CR1: variants seen among roughly 807,000 people sequenced by gnomAD.
CR1 encodes complement receptor type 1.
Under a neutral mutation model 187.3 loss-of-function variants are expected in CR1, and 116 were observed. The observed-to-expected ratio is 0.62, with a 90% CI of 0.53 to 0.72. CR1 has a LOEUF of 0.72. Among genes scored for constraint, CR1 ranks in the 30% least tolerant of loss-of-function variants. CR1 has a pLI of 0.00. For synonymous variants in CR1, 576 were observed against 747.1 expected, an observed-to-expected ratio of 0.77 and a Z score of 3.73; for missense variants, 1,731 against 2,110.7, an observed-to-expected ratio of 0.82 and a Z score of 3.52.
At chr1:207,564,480 T>C (rs1419109344) in intron 23 of CR1, among the ~76,000 whole-genome samples, 1 of 150,130 alleles carries the variant, frequency 6.7e-6, no homozygotes, top group East Asian at 1.9e-4. Flanking sequence ...TAACTAGTGG[T>C]TATGAATATA....
chr1:207,584,392 T>A (rs2102348829), intron 32 of CR1, among the ~76,000 whole-genome samples: 1 of 152,338 alleles, frequency 6.6e-6, no homozygotes, highest in South Asian at 2.1e-4. Context: ...CTCTTTATTA[T>A]TCAGAAATAT....
chr1:207,610,746 C>T lies in CR1; in HGVS notation c.6296-931C>T, dbSNP rs113745806. Among the ~76,000 whole-genome samples, 1,360 of 151,848 alleles carry T rather than the reference C, an allele frequency of 9.0e-3. 12 individuals are homozygous for T. The highest frequency in any genetic ancestry group is 0.031 in the African/African-American group (1,303 of 41,400). Reference sequence around the variant, plus strand: ...TGTTCTATCACTAAAAAGTCTGTAGCTTTTTTTTCTTTGAGGGGGGGTTGT... The same window carrying T: ...TGTTCTATCACTAAAAAGTCTGTAGTTTTTTTTTCTTTGAGGGGGGGTTGT... On this transcript the variant is annotated intron_variant, in intron 37 of 46. Coordinates refer to ENST00000367049, the MANE Select transcript of CR1 (RefSeq NM_000651.6).
At chr1:207,633,638 ATTAAC>A (rs1662718579) in intron 46 of CR1, among the ~76,000 whole-genome samples, 1 of 152,206 alleles carries the variant, frequency 6.6e-6, no homozygotes, top group South Asian at 2.1e-4. Context: ...TCCATGCTAA[ATTAAC>A]TTCTGATGAA....
chr1:207,589,114 G>T (rs1458591647), intron 35 of CR1, among the ~76,000 whole-genome samples: 1 of 152,198 alleles, frequency 6.6e-6, no homozygotes, highest in Non-Finnish European at 1.5e-5. Context: ...CTCCTTAACT[G>T]AGATCAGTAG....
chr1:207,621,502 A>G (rs1162419037), intron 43 of CR1, among the ~76,000 whole-genome samples: 1 of 152,222 alleles, frequency 6.6e-6, no homozygotes, highest in East Asian at 1.9e-4. Context: ...ATATTAAAAT[A>G]TTCTATGCAT....
At chr1:207,595,757 T>C (rs1661412181) in intron 35 of CR1, among the ~76,000 whole-genome samples, 1 of 151,406 alleles carries the variant, frequency 6.6e-6, no homozygotes, top group South Asian at 2.1e-4. Context: ...AATGGTGTTG[T>C]ATCAAAGAAA....
At chr1:207,599,869 A>G (rs1661553645) in intron 35 of CR1, among the ~76,000 whole-genome samples, 1 of 152,346 alleles carries the variant, frequency 6.6e-6, no homozygotes, top group Middle Eastern at 3.4e-3. Context: ...ATGGTATACT[A>G]AGTGAATATA....
chr1:207,618,539 A>G (rs1230518765), intron 42 of CR1, among the ~76,000 whole-genome samples: 1 of 152,102 alleles, frequency 6.6e-6, no homozygotes, highest in Non-Finnish European at 1.5e-5. Flanking sequence ...TCAAAAGTCT[A>G]TTTTTAACAA....
intron 27 of CR1, among the ~76,000 whole-genome samples, chr1:207,573,627 T>C (rs1660645064): frequency 6.6e-6 from 1 of 151,912 alleles, no homozygotes; most frequent in Non-Finnish European, 1.5e-5. Context: ...CTTTTCATAT[T>C]TGTAACAAGA....
In CR1 at chr1:207,609,634, G is replaced by A. The variant is rs1330051836; in HGVS notation, c.6241G>A (p.Val2081Met). Residue 2081 changes from valine (V) to methionine (M), a missense_variant, in exon 37 of 47, where the codon GTG (valine) becomes ATG (methionine). Around this residue, in one of 5 missense-constraint regions of CR1, gnomAD observed 1,312 missense variants for 1,379.6 expected, o/e 0.95. Coordinates refer to ENST00000367049, the MANE Select transcript of CR1 (RefSeq NM_000651.6). ...PGFVMVGSHTVQCQTNGRWGP... is the reference protein window; with the variant it reads ...PGFVMVGSHTMQCQTNGRWGP... The stretch of plus-strand genomic sequence containing the variant: ...GTTTGTCATGGTAGGGTCCCACACT[G>A]TGCAGTGCCAGACCAATGGCAGATG... 3 of 1,608,154 alleles carry A rather than the reference G, an allele frequency of 1.9e-6. No individual in the cohort carries two copies. In the Admixed American group the frequency reaches 5.0e-5, roughly 27 times the overall value.
At chr1:207,564,334 A>G (rs1660419531) in intron 23 of CR1, 100 bp downstream of exon 23, 2 of 1,589,868 alleles carry the variant, frequency 1.3e-6, no homozygotes, top group Non-Finnish European at 1.7e-6. Context: ...AGACACACAC[A>G]CACACACACA....
In CR1 at chr1:207,630,602, A is replaced by G. The variant is rs202101633; in HGVS notation, c.7438A>G (p.Thr2480Ala). Residue 2480 changes from threonine to alanine, a missense_variant, in exon 46 of 47, where the codon ACA becomes GCA. This residue lies in a region of CR1 where 1,312 missense variants were observed against 1,379.6 expected (regional missense o/e 0.95). Transcript: ENST00000367049. Reference sequence around the variant, plus strand: ...CAGCGTTCATCCCCGAACTCTGCAAACAAATGAAGAAAATAGCAGGTACCT... The same window carrying G: ...CAGCGTTCATCCCCGAACTCTGCAAGCAAATGAAGAAAATAGCAGGTACCT... ...GSSVHPRTLQTNEENSRVLP is the reference protein window; with the variant it reads ...GSSVHPRTLQANEENSRVLP 5.7e-5 allele frequency: 91 copies of G among 1,603,152 alleles called. No individual in the cohort carries two copies. The African/African-American group carries it at 1.1e-3, about 20-fold the overall frequency.
chr1:207,512,910 A>G (rs1340240248), intron 4 of CR1, among the ~76,000 whole-genome samples: 1 of 152,200 alleles, frequency 6.6e-6, no homozygotes, highest in African/African-American at 2.4e-5. Flanking sequence ...AATGGCCTCA[A>G]GTCTTCTTGG....
chr1:207,617,763 C>G (rs1662192602), intron 41 of CR1, among the ~76,000 whole-genome samples: 1 of 151,270 alleles, frequency 6.6e-6, no homozygotes, highest in South Asian at 2.1e-4. Flanking sequence ...TGTGACTGCC[C>G]ACACCAGTTC....
Position 207,587,445 on chromosome 1 carries a change from T to G in CR1, c.5590T>G (p.Phe1864Val), listed in dbSNP as rs746835144. The change falls in exon 34 of 47, where the codon TTT becomes GTT. Residue 1864 changes from phenylalanine (F) to valine (V), a missense_variant. By Grantham distance (50) the Phe-to-Val change is conservative. Around this residue, in one of 5 missense-constraint regions of CR1, gnomAD observed 1,312 missense variants for 1,379.6 expected, o/e 0.95. Transcript: ENST00000367049. ...CAGTCCTACGATCCCAATTAATGAC[T>G]TTGAGTTTCCAGTCGGGACATCTTT... ...FASPTIPINDFEFPVGTSLNY... is the reference protein window; with the variant it reads ...FASPTIPINDVEFPVGTSLNY... The G allele has an allele frequency of 1.9e-6, 3 of 1,613,966 alleles. No individual in the cohort carries two copies. The Admixed American group carries it at 5.0e-5, about 27-fold the overall frequency.
At chr1:207,605,602 A>G (rs1661728118) in intron 35 of CR1, among the ~76,000 whole-genome samples, 1 of 152,176 alleles carries the variant, frequency 6.6e-6, no homozygotes, top group Non-Finnish European at 1.5e-5. Flanking sequence ...CAGCGAGCAC[A>G]TCTAAAACAA....
At chr1:207,600,159 G>A (rs1661564833) in intron 35 of CR1, among the ~76,000 whole-genome samples, 1 of 152,146 alleles carries the variant, frequency 6.6e-6, no homozygotes, top group Admixed American at 6.5e-5. Context: ...ACGTGCTATA[G>A]AACAAATTTG....
At chr1:207,519,434 A>AT (rs1288951066) in intron 4 of CR1, among the ~76,000 whole-genome samples, 1 of 151,956 alleles carries the variant, frequency 6.6e-6, no homozygotes, top group East Asian at 1.9e-4. Flanking sequence ...TTATTATTCT[A>AT]TTTCCCCAGT....
Position 207,506,029 on chromosome 1 carries a change from T to C in CR1, c.247T>C (p.Ser83Pro), listed in dbSNP as rs760447829. 2 of 1,613,988 alleles carry C rather than the reference T, an allele frequency of 1.2e-6. No individual in the cohort carries two copies. Among genetic ancestry groups the C allele is most frequent in the South Asian group, 1.1e-5 (1 of 91,088 alleles). Residue 83 changes from serine (S) to proline (P), a missense_variant, in exon 2 of 47, where the codon TCT (serine) becomes CCT (proline). Around this residue, in one of 5 missense-constraint regions of CR1, gnomAD observed 237 missense variants for 240.4 expected, o/e 0.99. Coordinates refer to ENST00000367049, the MANE Select transcript of CR1 (RefSeq NM_000651.6). ...CCCTGGTTATTCCGGAAGACCGTTT[T>C]CTATCATCTGCCTAAAAAACTCAGT... Reference protein sequence around the residue: ...CRPGYSGRPFSIICLKNSVWT... With the variant: ...CRPGYSGRPFPIICLKNSVWT...
Sources: allele counts gnomAD v4.1 joint callset (sites outside exome capture counted in the v4.1 genomes callset), GRCh38; gene constraint gnomAD v4.1.1; regional missense constraint gnomAD v4.1.1; transcripts MANE v1.5; gene names NCBI Gene and HGNC (gene_info 2026-07-23, HGNC 2026-07-21).